Variants in ALLC observed in about 807,000 individuals in gnomAD.
ALLC encodes the protein probable inactive allantoicase.
Under a neutral mutation model 45.0 loss-of-function variants are expected in ALLC, and 40 were observed. That is an observed-to-expected ratio of 0.89 (90% confidence interval 0.69 to 1.16). The LOEUF (loss-of-function observed/expected upper bound fraction) is 1.16. Ranked by LOEUF, ALLC falls within the 50% of genes most tolerant of loss-of-function variation. The probability of loss-of-function intolerance (pLI) is 0.00; values close to 1 mark genes in which losing one functional copy is unlikely to be tolerated. For missense variants in ALLC, 488 were observed against 493.1 expected, an observed-to-expected ratio of 0.99 and a Z score of 0.10; for synonymous variants, 176 against 178.1, an observed-to-expected ratio of 0.99 and a Z score of 0.09.
intron 2 of ALLC, among the ~76,000 whole-genome samples, chr2:3,673,792 A>G (rs1464609175): frequency 6.6e-6 from 1 of 152,146 alleles, no homozygotes; most frequent in African/African-American, 2.4e-5. Flanking sequence ...TGAAAAAAAG[A>G]AAGTTGGTTT....
intron 3 of ALLC, among the ~76,000 whole-genome samples, chr2:3,676,506 C>T (rs1191592343): frequency 6.6e-6 from 1 of 152,226 alleles, no homozygotes; most frequent in Non-Finnish European, 1.5e-5. Context: ...CTCGGCCTCC[C>T]AAATGGCTGG....
chr2:3,671,091 T>C lies in ALLC; in HGVS notation c.-62-5T>C. The C allele has an allele frequency of 6.4e-7, 1 of 1,574,596 alleles. No individual in the cohort carries two copies. Among genetic ancestry groups the C allele is most frequent in the Non-Finnish European group, 8.6e-7 (1 of 1,157,308 alleles). ...AGGTTGACCGAGCTGCCCTCTCCCT[T>C]CCAGGAAGCACGGCTGATGCTCCGA... On this transcript the variant is annotated splice_region_variant and splice_polypyrimidine_tract_variant and intron_variant, in intron 1 of 11. Transcript: ENST00000252505.
chr2:3,675,255 C>T (rs1358716400), intron 3 of ALLC, among the ~76,000 whole-genome samples: 1 of 151,914 alleles, frequency 6.6e-6, no homozygotes, highest in Non-Finnish European at 1.5e-5. Flanking sequence ...CCAGGCATGG[C>T]TATGTGTACC....
At chr2:3,654,929 G>T (rs1666409514), upstream of ALLC, among the ~76,000 whole-genome samples, 1 of 152,248 alleles carries the variant, frequency 6.6e-6, no homozygotes, top group Admixed American at 6.5e-5. Flanking sequence ...CAGCAAGTTA[G>T]CACGAATTAG....
At chr2:3,646,548 G>A in the ALLC span, among the ~76,000 whole-genome samples, 175 of 152,316 alleles carry the variant, frequency 1.1e-3, 1 homozygote, top group South Asian at 0.018. Flanking sequence ...GATGGGAAGA[G>A]GAGCACCTTG....
chr2:3,679,888 C>CA lies in ALLC; in HGVS notation c.193dup (p.Arg65LysfsTer37). ...GCGCAGGTCACGACTGGTGTGTCCT[C>CA]AGGCTGGGGATCCAAGGAGTCATCC... is the stretch of plus-strand genomic sequence containing the variant. On this transcript the variant is annotated frameshift_variant, in exon 5 of 12. Coordinates refer to ENST00000252505, the MANE Select transcript of ALLC (RefSeq NM_018436.4). LOFTEE classifies it high-confidence loss of function. 6.2e-7 allele frequency: 1 copy of CA among 1,613,946 alleles called. No homozygotes were observed. Among genetic ancestry groups the CA allele is most frequent in the Non-Finnish European group, 8.5e-7 (1 of 1,179,892 alleles).
chr2:3,662,237 G>A (rs551622392), intron 1 of ALLC, among the ~76,000 whole-genome samples: 5 of 152,148 alleles, frequency 3.3e-5, no homozygotes, highest in Non-Finnish European at 7.3e-5. Context: ...ACCCAGGCCC[G>A]TCTTAGGGTC....
rs190729195 is a variant in ALLC at position 3,672,123 on chromosome 2, T to C, written c.33+933T>C. Among the ~76,000 whole-genome samples the C allele has an allele frequency of 1.3e-4, 10 of 78,370 alleles. 1 individual carries two copies. Among genetic ancestry groups the C allele is most frequent in the Middle Eastern group, 8.8e-3 (1 of 114 alleles). The allele number at this position is 78,370 out of a possible 152,430, so 51.4% of individuals were successfully genotyped here. On this transcript the variant is annotated intron_variant, in intron 2 of 11. Transcript: ENST00000252505. ...GGAGGTCCTCTGGCTCTAGTTAGATTGGAGGTCCTCTGGCTCTGGTTAGAT... is the reference window on the plus strand; with the variant it reads ...GGAGGTCCTCTGGCTCTAGTTAGATCGGAGGTCCTCTGGCTCTGGTTAGAT...
At chr2:3,651,584 TC>T in the ALLC span, among the ~76,000 whole-genome samples, 2 of 151,748 alleles carry the variant, frequency 1.3e-5, no homozygotes, top group East Asian at 3.9e-4. Flanking sequence ...CCACGTTGTG[TC>T]CCTGCGGTGA....
chr2:3,661,327 A>G (rs1666571571), intron 1 of ALLC, among the ~76,000 whole-genome samples: 1 of 152,174 alleles, frequency 6.6e-6, no homozygotes, highest in African/African-American at 2.4e-5. Context: ...TCTGACCTCA[A>G]TGCACGCAAG....
intron 5 of ALLC, among the ~76,000 whole-genome samples, chr2:3,681,103 G>C (rs1159984697): frequency 6.6e-6 from 1 of 152,198 alleles, no homozygotes; most frequent in Non-Finnish European, 1.5e-5. Context: ...GAGGCTCTGT[G>C]GACACGAACG....
the ALLC span, among the ~76,000 whole-genome samples, chr2:3,651,320 G>GT: frequency 8.1e-5 from 4 of 49,150 alleles, no homozygotes; most frequent in Admixed American, 3.7e-4. Flanking sequence ...GGGTGGGGGG[G>GT]GTGTGTGTGT....
At chr2:3,677,552 G>T (rs1667057630) in intron 3 of ALLC, among the ~76,000 whole-genome samples, 1 of 152,240 alleles carries the variant, frequency 6.6e-6, no homozygotes, top group African/African-American at 2.4e-5. Flanking sequence ...ATAGCACGAT[G>T]GCTGTTTGCC....
chr2:3,662,079 TTC>T (rs1274739169), intron 1 of ALLC, among the ~76,000 whole-genome samples: 1 of 152,208 alleles, frequency 6.6e-6, no homozygotes, highest in Non-Finnish European at 1.5e-5. Flanking sequence ...ATGATGTGGC[TTC>T]TTTCTTTTGA....
At position 3,674,450 on chromosome 2, in the gene ALLC, A is replaced by G. The variant is rs573848719; in HGVS notation, c.84+325A>G. On this transcript the variant is annotated intron_variant, in intron 3 of 11. Transcript: ENST00000252505. Reference sequence around the variant, plus strand: ...ATCTATGTCTTGAATTTTCTGGGAAATGTTTTACCTGCCTAATTATAAAAG... The same window carrying G: ...ATCTATGTCTTGAATTTTCTGGGAAGTGTTTTACCTGCCTAATTATAAAAG... Among the ~76,000 whole-genome samples, 6 of 152,316 alleles carry G rather than the reference A, an allele frequency of 3.9e-5. No individual in the cohort carries two copies. The South Asian group carries it at 1.2e-3, about 32-fold the overall frequency.
chr2:3,654,796 C>T (rs564615541), upstream of ALLC, among the ~76,000 whole-genome samples: 6 of 152,336 alleles, frequency 3.9e-5, no homozygotes, highest in East Asian at 5.8e-4. Flanking sequence ...TCCCTGGGGT[C>T]GTGTCACAGA....
At chr2:3,652,102 A>C in the ALLC span, among the ~76,000 whole-genome samples, 1 of 152,222 alleles carries the variant, frequency 6.6e-6, no homozygotes, top group African/African-American at 2.4e-5. Flanking sequence ...AGCTCGCAGG[A>C]ATTCTGGGAG....
intron 1 of ALLC, among the ~76,000 whole-genome samples, chr2:3,667,042 A>G (rs1421408418): frequency 6.6e-6 from 1 of 152,198 alleles, no homozygotes; most frequent in African/African-American, 2.4e-5. Context: ...CAGATTGGAC[A>G]ATATGGGTCC....
At chr2:3,656,013 G>T (rs1321091150), upstream of ALLC, among the ~76,000 whole-genome samples, 1 of 152,224 alleles carries the variant, frequency 6.6e-6, no homozygotes, top group Non-Finnish European at 1.5e-5. Context: ...AATGGGGCGG[G>T]GGGAGGAAGA....
Sources: gnomAD v4.1 joint callset for allele counts (sites outside exome capture counted in the v4.1 genomes callset) on GRCh38, gnomAD v4.1.1 for gene constraint, MANE v1.5 for transcripts, NCBI Gene and HGNC (gene_info 2026-07-23, HGNC 2026-07-21) for gene names.